The following CCDC85C variants were observed in gnomAD, a reference collection of about 807,000 sequenced individuals.
CCDC85C encodes the protein coiled-coil domain-containing protein 85C.
A neutral mutation model predicts 38.3 loss-of-function variants in CCDC85C; 18 were observed. The ratio of observed to expected loss-of-function variants is 0.47; its 90% CI spans 0.33 to 0.70. The LOEUF is 0.70. CCDC85C is among the 30% of genes least tolerant of loss of function. CCDC85C has a pLI of 0.03. For missense variants in CCDC85C, 566 were observed against 621.2 expected, an observed-to-expected ratio of 0.91 and a Z score of 0.94; for synonymous variants, 264 against 293.8, an observed-to-expected ratio of 0.90 and a Z score of 1.04.
At position 99,537,236 on chromosome 14, in the gene CCDC85C, G is replaced by A. The variant is rs554573873; in HGVS notation, c.794-1148C>T. ...CGCAGGGTCTTCCCAGATTCATGCC[G>A]CTCACCCTCGATTGCAGAAGCAGAG... On this transcript the variant is annotated intron_variant, in intron 1 of 5. Coordinates refer to ENST00000380243, the MANE Select transcript of CCDC85C (RefSeq NM_001144995.2). 3.3e-5 allele frequency among the ~76,000 whole-genome samples: 5 copies of A among 152,216 alleles called. No homozygotes were observed. The South Asian group carries it at 6.2e-4, about 19-fold the overall frequency.
chr14:99,567,347 G>A (rs1393859389), intron 1 of CCDC85C, among the ~76,000 whole-genome samples: 1 of 152,208 alleles, frequency 6.6e-6, no homozygotes, highest in African/African-American at 2.4e-5. Flanking sequence ...GGGGGTCACA[G>A]GAGGGACAGA....
Position 99,535,187 on chromosome 14 carries a change from C to T in CCDC85C, c.867+828G>A, listed in dbSNP as rs1897569921. ...AACAGGGCCAGGCAGCTGAGCCATC[C>T]CTGCGGTTGGTTCCCAGAGAGACGC... is the stretch of plus-strand genomic sequence containing the variant. On this transcript the variant is annotated intron_variant, in intron 2 of 5. Transcript: ENST00000380243. This position sits in a 1 kb window ranked among gnomAD's most constrained non-coding sequence, Gnocchi z 5.5. 1 of 169,378 alleles carries T rather than the reference C, an allele frequency of 5.9e-6. No homozygotes were observed. Among genetic ancestry groups the T allele is most frequent in the Non-Finnish European group, 1.3e-5 (1 of 79,156 alleles). The allele number at this position is 169,378 out of a possible 1,614,324, so 10.5% of individuals were successfully genotyped here.
intron 1 of CCDC85C, among the ~76,000 whole-genome samples, chr14:99,590,823 C>G (rs957975973): frequency 6.6e-6 from 1 of 152,166 alleles, no homozygotes; most frequent in Non-Finnish European, 1.5e-5. Flanking sequence ...TGCCCCCCAA[C>G]CCCCAACCAA....
chr14:99,510,910 C>T lies in CCDC85C; in HGVS notation c.*4336G>A, dbSNP rs1017504356. On this transcript the variant is annotated 3_prime_UTR_variant, in exon 6 of 6. Coordinates refer to ENST00000380243, the MANE Select transcript of CCDC85C (RefSeq NM_001144995.2). ...CAGTTGCAGTATGGGAAGAATGGACCGGGCCCCTGGGATAAAATCAGAGTG... is the reference window on the plus strand; with the variant it reads ...CAGTTGCAGTATGGGAAGAATGGACTGGGCCCCTGGGATAAAATCAGAGTG... 23 of 827,340 alleles carry T rather than the reference C, an allele frequency of 2.8e-5. No homozygotes were observed. The highest frequency in any genetic ancestry group is 2.7e-4 in the African/African-American group (15 of 56,094). 51.2% of individuals were successfully genotyped at this position (827,340 alleles called of 1,614,324 possible). A position where few individuals can be genotyped will look rare whatever the true frequency, so the allele number is the denominator to read the frequency against.
At chr14:99,597,301 T>C (rs1018833773) in intron 1 of CCDC85C, among the ~76,000 whole-genome samples, 1 of 152,194 alleles carries the variant, frequency 6.6e-6, no homozygotes, top group Non-Finnish European at 1.5e-5. Flanking sequence ...AATTACCACC[T>C]GTGAGGTCAA....
In CCDC85C at chr14:99,510,814, A is replaced by G. The variant is rs1897112652; in HGVS notation, c.*4432T>C. 2 of 1,399,008 alleles carry G rather than the reference A, an allele frequency of 1.4e-6. No individual in the cohort carries two copies. Among genetic ancestry groups the G allele is most frequent in the Admixed American group, 3.0e-5 (1 of 33,098 alleles). The allele number at this position is 1,399,008 out of a possible 1,614,324, so 86.7% of individuals were successfully genotyped here. ...CCTTTTTTCCCTCTTTGTTTTTTTAACAAGATTTTCTAATCGACTTGCAGA... is the reference window on the plus strand; with the variant it reads ...CCTTTTTTCCCTCTTTGTTTTTTTAGCAAGATTTTCTAATCGACTTGCAGA... On this transcript the variant is annotated 3_prime_UTR_variant, in exon 6 of 6. Coordinates refer to ENST00000380243, the MANE Select transcript of CCDC85C (RefSeq NM_001144995.2).
Position 99,503,541 on chromosome 14 carries a change from T to C in CCDC85C, c.*11705A>G. On this transcript the variant is annotated 3_prime_UTR_variant, in exon 6 of 6. Transcript: ENST00000380243. ...TGCCGTCGCTGATTCTGGTGGTACC[T>C]GGATAATCCATTTTTTTCTCATCAT... is the stretch of plus-strand genomic sequence containing the variant. The C allele has an allele frequency of 7.3e-7, 1 of 1,365,236 alleles. No individual in the cohort carries two copies. Among genetic ancestry groups the C allele is most frequent in the South Asian group, 1.3e-5 (1 of 77,248 alleles). The allele number at this position is 1,365,236 out of a possible 1,614,324, so 84.6% of individuals were successfully genotyped here.
At chr14:99,563,588 A>G (rs573492017) in intron 1 of CCDC85C, among the ~76,000 whole-genome samples, 25 of 152,248 alleles carry the variant, frequency 1.6e-4, no homozygotes, top group Non-Finnish European at 3.4e-4. Flanking sequence ...TGCATCTGCA[A>G]GATATAGGGA....
Position 99,507,000 on chromosome 14 carries a change from A to C in CCDC85C, c.*8246T>G. The C allele has an allele frequency of 3.4e-6, 3 of 887,100 alleles. No individual in the cohort carries two copies. Among genetic ancestry groups the C allele is most frequent in the East Asian group, 2.4e-5 (1 of 41,566 alleles). The allele number at this position is 887,100 out of a possible 1,614,324, so 55.0% of individuals were successfully genotyped here. A position where few individuals can be genotyped will look rare whatever the true frequency, so the allele number is the denominator to read the frequency against. ...TTTTTCTCCCAAAGAAATCTCTGCC[A>C]GTACATTTTTCTTTATGACATGCTT... On this transcript the variant is annotated 3_prime_UTR_variant, in exon 6 of 6. Transcript: ENST00000380243.
At chr14:99,538,151 A>G (rs1897642117) in intron 1 of CCDC85C, among the ~76,000 whole-genome samples, 3 of 152,164 alleles carry the variant, frequency 2.0e-5, no homozygotes, top group Admixed American at 2.0e-4. Context: ...TGCAAAGGAC[A>G]AGCAGCTACC....
At position 99,604,072 on chromosome 14, in the gene CCDC85C, C is replaced by A; in HGVS notation, c.-113G>T. The stretch of plus-strand genomic sequence containing the variant: ...GGCGGGGGGCGGCCGGGGGCGCGTG[C>A]GGCCCGCCCCGCGCCGCCTGGCGCG... On this transcript the variant is annotated 5_prime_UTR_variant, in exon 1 of 6. Coordinates refer to ENST00000380243, the MANE Select transcript of CCDC85C (RefSeq NM_001144995.2). 4 of 961,174 alleles carry A rather than the reference C, an allele frequency of 4.2e-6. No individual in the cohort carries two copies. Among genetic ancestry groups the A allele is most frequent in the Non-Finnish European group, 4.9e-6 (4 of 812,572 alleles). 59.5% of individuals were successfully genotyped at this position (961,174 alleles called of 1,614,324 possible). A position where few individuals can be genotyped will look rare whatever the true frequency, so the allele number is the denominator to read the frequency against.
At chr14:99,597,267 C>T (rs541337067) in intron 1 of CCDC85C, among the ~76,000 whole-genome samples, 6 of 152,216 alleles carry the variant, frequency 3.9e-5, no homozygotes, top group Admixed American at 1.3e-4. Flanking sequence ...AGTCCGCAGA[C>T]GCTTCCCTTC....
At chr14:99,587,920 C>T (rs537081228) in intron 1 of CCDC85C, among the ~76,000 whole-genome samples, 1 of 152,346 alleles carries the variant, frequency 6.6e-6, no homozygotes, top group African/African-American at 2.4e-5. Flanking sequence ...AACAGAGCCA[C>T]ACTGCCCTCC....
intron 5 of CCDC85C, 36 bp from the exon 6 acceptor site, chr14:99,515,371 AC>A: frequency 6.8e-7 from 1 of 1,464,042 alleles, no homozygotes; most frequent in Non-Finnish European, 9.3e-7. Flanking sequence ...GGTGGGACTC[AC>A]CCGCGTCCAC....
At chr14:99,515,968 A>G (rs973499277) in intron 5 of CCDC85C, among the ~76,000 whole-genome samples, 3 of 152,122 alleles carry the variant, frequency 2.0e-5, no homozygotes, top group East Asian at 1.9e-4. Context: ...GCGGATCTGC[A>G]GACACCAGGG....
At chr14:99,552,142 C>CCA (rs1897923657) in intron 1 of CCDC85C, among the ~76,000 whole-genome samples, 1 of 152,196 alleles carries the variant, frequency 6.6e-6, no homozygotes, top group Non-Finnish European at 1.5e-5. Flanking sequence ...GAAGCTCCTC[C>CCA]CAGGCCCGGC....
Position 99,569,173 on chromosome 14 carries a change from A to G in CCDC85C, c.794-33085T>C, listed in dbSNP as rs1040062226. On this transcript the variant is annotated intron_variant, in intron 1 of 5. Coordinates refer to ENST00000380243, the MANE Select transcript of CCDC85C (RefSeq NM_001144995.2). The surrounding 1 kb of genome is among the most constrained non-coding windows in gnomAD (Gnocchi z 4.3). ...ATATCCATCTTTAACCAAAGAATAAAGCAGTAAGGCCCACGTCGACCCATC... is the reference window on the plus strand; with the variant it reads ...ATATCCATCTTTAACCAAAGAATAAGGCAGTAAGGCCCACGTCGACCCATC... Among the ~76,000 whole-genome samples, 6 of 152,246 alleles carry G rather than the reference A, an allele frequency of 3.9e-5. No individual in the cohort carries two copies. The highest frequency in any genetic ancestry group is 1.4e-4 in the African/African-American group (6 of 41,474).
At chr14:99,553,021 C>T (rs1462568407) in intron 1 of CCDC85C, among the ~76,000 whole-genome samples, 1 of 152,208 alleles carries the variant, frequency 6.6e-6, no homozygotes, top group African/African-American at 2.4e-5. Context: ...CCTAGGCTTC[C>T]CCTAGCAGTG....
intron 1 of CCDC85C, among the ~76,000 whole-genome samples, chr14:99,549,218 GA>G (rs1897860709): frequency 6.6e-6 from 1 of 152,216 alleles, no homozygotes; most frequent in South Asian, 2.1e-4. Flanking sequence ...TTCTTAATAA[GA>G]AGTAAGTTAA....
Sources: allele counts gnomAD v4.1 joint callset (sites outside exome capture counted in the v4.1 genomes callset), GRCh38; gene constraint gnomAD v4.1.1; non-coding constraint Gnocchi (gnomAD v3.1); transcripts MANE v1.5; gene names NCBI Gene and HGNC (gene_info 2026-07-23, HGNC 2026-07-21).